The following ARHGAP31 variants were observed in gnomAD, a reference collection of about 807,000 sequenced individuals.
The protein encoded by ARHGAP31 is Rho GTPase activating protein 31.
ARHGAP31 carries 34 observed loss-of-function variants against 113.9 expected under a neutral mutation model. That is an observed-to-expected ratio of 0.30 (90% CI 0.23 to 0.40). The LOEUF (loss-of-function observed/expected upper bound fraction) is 0.40, where lower values mean the gene tolerates loss of function less well. Among genes scored for constraint, ARHGAP31 ranks in the 10% least tolerant of loss-of-function variants. The pLI is 1.00. For synonymous variants in ARHGAP31, 650 were observed against 684.8 expected (o/e 0.95, Z 0.79); for missense variants, 1,548 against 1,767.1 (o/e 0.88, Z 2.22).
chr3:119,320,690 G>C (rs1400226926), intron 1 of ARHGAP31, among the ~76,000 whole-genome samples: 1 of 152,100 alleles, frequency 6.6e-6, no homozygotes, highest in Non-Finnish European at 1.5e-5. Context: ...AATCAGCTGC[G>C]ATCTCATCAT....
At chr3:119,301,282 T>C (rs1243681581) in intron 1 of ARHGAP31, among the ~76,000 whole-genome samples, 1 of 152,158 alleles carries the variant, frequency 6.6e-6, no homozygotes, top group Non-Finnish European at 1.5e-5. Context: ...GCCCAGGCTT[T>C]GGGGCTGCTA....
intron 6 of ARHGAP31, among the ~76,000 whole-genome samples, chr3:119,386,800 T>G (rs977308827): frequency 1.3e-5 from 2 of 152,200 alleles, no homozygotes; most frequent in African/African-American, 4.8e-5. Flanking sequence ...ACGTGTCCAC[T>G]GGACAGGGGG....
At chr3:119,363,854 A>G (rs2080231010) in intron 1 of ARHGAP31, among the ~76,000 whole-genome samples, 1 of 152,318 alleles carries the variant, frequency 6.6e-6, no homozygotes, top group South Asian at 2.1e-4. Context: ...CGGAGGTCCC[A>G]CATCACTGTG....
At chr3:119,329,662 C>T (rs536234307) in intron 1 of ARHGAP31, among the ~76,000 whole-genome samples, 1 of 152,236 alleles carries the variant, frequency 6.6e-6, no homozygotes, top group Non-Finnish European at 1.5e-5. Context: ...GCCTTCCCAC[C>T]CCCAGCCAGC....
intron 1 of ARHGAP31, chr3:119,329,743 C>T (rs925617707): frequency 1.3e-5 from 12 of 953,248 alleles, no homozygotes; most frequent in Middle Eastern, 5.3e-4. Context: ...CCTTCCTGCC[C>T]GCTCACAGAG....
At chr3:119,375,275 T>A (rs969358765) in intron 3 of ARHGAP31, among the ~76,000 whole-genome samples, 1 of 152,176 alleles carries the variant, frequency 6.6e-6, no homozygotes, top group Admixed American at 6.5e-5. Context: ...CAGGGCGTGC[T>A]CTCTCCAGAG....
chr3:119,369,145 TAGAA>T (rs1343420572), intron 3 of ARHGAP31, among the ~76,000 whole-genome samples: 1 of 152,054 alleles, frequency 6.6e-6, no homozygotes, highest in Non-Finnish European at 1.5e-5. Context: ...CATAGGAAAG[TAGAA>T]AGAAGAATAA....
chr3:119,418,247 C>G lies in ARHGAP31; in HGVS notation c.*1983C>G. The stretch of plus-strand genomic sequence containing the variant: ...CTCATTGGGTGAGGAAGACATTGAA[C>G]CAACAGCCAACGAGATATGAACCTG... On this transcript the variant is annotated 3_prime_UTR_variant, in exon 12 of 12. Coordinates refer to ENST00000264245, the MANE Select transcript of ARHGAP31 (RefSeq NM_020754.4). 6.6e-6 allele frequency: 1 copy of G among 152,174 alleles called. No individual in the cohort carries two copies. Among genetic ancestry groups the G allele is most frequent in the East Asian group, 1.9e-4 (1 of 5,190 alleles). The allele number at this position is 152,174 out of a possible 1,614,324, so 9.4% of individuals were successfully genotyped here.
chr3:119,303,471 G>A (rs1449325092), intron 1 of ARHGAP31, among the ~76,000 whole-genome samples: 2 of 152,170 alleles, frequency 1.3e-5, no homozygotes, highest in African/African-American at 4.8e-5. Context: ...TTCTGGGATC[G>A]AGTCTCAGGC....
intron 10 of ARHGAP31, among the ~76,000 whole-genome samples, chr3:119,404,520 C>T (rs2080643941): frequency 1.3e-5 from 2 of 152,214 alleles, no homozygotes; most frequent in Non-Finnish European, 2.9e-5. Context: ...ACTTCAGTGT[C>T]TTATCTTCTT....
chr3:119,306,341 G>T (rs1341154713), intron 1 of ARHGAP31, among the ~76,000 whole-genome samples: 3 of 152,014 alleles, frequency 2.0e-5, no homozygotes, highest in Non-Finnish European at 4.4e-5. Flanking sequence ...ATCACTTGAG[G>T]TCAGGAATTC....
At chr3:119,295,083 A>G (rs2079521294) in intron 1 of ARHGAP31, 79 bp downstream of exon 1, 16 of 1,326,940 alleles carry the variant, frequency 1.2e-5, no homozygotes, top group Middle Eastern at 1.8e-4. Context: ...GAGTTGTGAT[A>G]GAGTCGGTTC....
At chr3:119,381,737 C>T (rs2080399127) in intron 4 of ARHGAP31, among the ~76,000 whole-genome samples, 1 of 152,162 alleles carries the variant, frequency 6.6e-6, no homozygotes, top group Admixed American at 6.5e-5. Context: ...CCTGTAATCC[C>T]AGCACTTTGG....
At position 119,415,383 on chromosome 3, in the gene ARHGAP31, G is replaced by A. The variant is rs1291101230; in HGVS notation, c.3454G>A (p.Ala1152Thr). ...ATGGATGACCTCATCTTACTGTAAA[G>A]CAGACCCCTGGAGGGTTTACTCCCA... is the stretch of plus-strand genomic sequence containing the variant. Reference protein sequence around the residue: ...VTWMTSSYCKADPWRVYSQDP... With the variant: ...VTWMTSSYCKTDPWRVYSQDP... The change falls in exon 12 of 12, where the codon GCA (alanine) becomes ACA (threonine). Residue 1152 changes from alanine to threonine, a missense_variant. Ala to Thr is a moderately conservative substitution (Grantham distance 58). Coordinates refer to ENST00000264245, the MANE Select transcript of ARHGAP31 (RefSeq NM_020754.4). The A allele has an allele frequency of 6.2e-7, 1 of 1,614,044 alleles. No individual in the cohort carries two copies. The highest frequency in any genetic ancestry group is 1.3e-5 in the African/African-American group (1 of 75,040).
chr3:119,383,022 C>A (rs767966504), intron 5 of ARHGAP31, 62 bp from the exon 6 acceptor site: 70 of 1,602,374 alleles, frequency 4.4e-5, no homozygotes, highest in Non-Finnish European at 5.5e-5. Context: ...CCACTGGCTC[C>A]TCTTGCTGCT....
In ARHGAP31 at chr3:119,339,308, T is replaced by C. The variant is rs138747760; in HGVS notation, c.101-26008T>C. On this transcript the variant is annotated intron_variant, in intron 1 of 11. Coordinates refer to ENST00000264245, the MANE Select transcript of ARHGAP31 (RefSeq NM_020754.4). The stretch of plus-strand genomic sequence containing the variant: ...GGAGAAGGAACAAATCAAAGAGATC[T>C]TATAAACAACATAGCAAAGATGTCT... Among the ~76,000 whole-genome samples, 539 of 152,302 alleles carry C rather than the reference T, an allele frequency of 3.5e-3. 5 individuals carry two copies. Among genetic ancestry groups the C allele is most frequent in the African/African-American group, 0.012 (516 of 41,550 alleles).
At chr3:119,322,727 GC>G (rs1156733529) in intron 1 of ARHGAP31, 1 of 153,052 alleles carries the variant, frequency 6.5e-6, no homozygotes, top group Non-Finnish European at 1.5e-5. Flanking sequence ...CACTTCACTC[GC>G]TTCCCCTCGA....
chr3:119,301,623 C>G (rs1185745117), intron 1 of ARHGAP31, among the ~76,000 whole-genome samples: 4 of 145,854 alleles, frequency 2.7e-5, no homozygotes, highest in Admixed American at 6.9e-5. Flanking sequence ...GCTTCAAGTT[C>G]TCAAACACCT....
chr3:119,374,387 CACCAGAAGCGG>C (rs2080329835), intron 3 of ARHGAP31, among the ~76,000 whole-genome samples: 1 of 152,204 alleles, frequency 6.6e-6, no homozygotes, highest in South Asian at 2.1e-4. Context: ...CTGAGGCCCT[CACCAGAAGCGG>C]ATACTGGAAC....
Sources: allele counts gnomAD v4.1 joint callset (sites outside exome capture counted in the v4.1 genomes callset), GRCh38; gene constraint gnomAD v4.1.1; transcripts MANE v1.5; gene names NCBI Gene and HGNC (gene_info 2026-07-23, HGNC 2026-07-21).